HS3ST3A1: variants seen among roughly 807,000 people sequenced by gnomAD.
HS3ST3A1 encodes the protein heparan sulfate-glucosamine 3-sulfotransferase 3A1, also known as heparan sulfate glucosamine 3-O-sulfotransferase 3A1.
A neutral mutation model predicts 25.7 loss-of-function variants in HS3ST3A1; 19 were observed. That is an observed-to-expected ratio of 0.74 (90% CI 0.52 to 1.08). The LOEUF is 1.08. HS3ST3A1 is among the 50% of genes least tolerant of loss of function. The probability of loss-of-function intolerance (pLI) is 0.00; values close to 1 mark genes in which losing one functional copy is unlikely to be tolerated. For synonymous variants in HS3ST3A1, 226 were observed against 278.6 expected (o/e 0.81, Z 1.88); for missense variants, 459 against 594.3 (o/e 0.77, Z 2.37).
At chr17:13,570,239 G>A (rs546718726) in intron 1 of HS3ST3A1, among the ~76,000 whole-genome samples, 1 of 152,280 alleles carries the variant, frequency 6.6e-6, no homozygotes, top group South Asian at 2.1e-4. Context: ...AGACAAAGAA[G>A]GACCTTCTCC....
intron 1 of HS3ST3A1, chr17:13,543,730 A>G (rs1352235048): frequency 6.5e-6 from 1 of 154,442 alleles, no homozygotes; most frequent in South Asian, 2.0e-4. Context: ...ATGATAAAAA[A>G]GGAATTTTTA....
intron 1 of HS3ST3A1, among the ~76,000 whole-genome samples, chr17:13,532,882 T>C (rs1457019343): frequency 1.6e-5 from 2 of 122,218 alleles, no homozygotes; most frequent in African/African-American, 7.2e-5. Flanking sequence ...CATATACGTG[T>C]GTGTGTGTGT....
chr17:13,518,581 T>C (rs1906127055), intron 1 of HS3ST3A1, among the ~76,000 whole-genome samples: 1 of 152,208 alleles, frequency 6.6e-6, no homozygotes, highest in Admixed American at 6.5e-5. Context: ...GAATCTGTTT[T>C]CCCATTTCTT....
chr17:13,588,896 G>A (rs772723442), intron 1 of HS3ST3A1, among the ~76,000 whole-genome samples: 3 of 152,152 alleles, frequency 2.0e-5, no homozygotes, highest in Non-Finnish European at 4.4e-5. Flanking sequence ...GTGTTAGCCA[G>A]GATGGTCTTG....
chr17:13,586,743 G>A (rs1346519754), intron 1 of HS3ST3A1, among the ~76,000 whole-genome samples: 5 of 149,856 alleles, frequency 3.3e-5, no homozygotes, highest in East Asian at 2.0e-4. Flanking sequence ...GGTGGCGGGC[G>A]CCTGTAGTCC....
intron 1 of HS3ST3A1, among the ~76,000 whole-genome samples, chr17:13,553,785 T>G (rs1907302004): frequency 1.3e-5 from 2 of 152,164 alleles, no homozygotes; most frequent in African/African-American, 4.8e-5. Flanking sequence ...AAGCTCATCA[T>G]CCCTAATCCC....
At chr17:13,534,498 G>GT (rs1414685021) in intron 1 of HS3ST3A1, among the ~76,000 whole-genome samples, 2 of 125,580 alleles carry the variant, frequency 1.6e-5, no homozygotes, top group African/African-American at 6.1e-5. Context: ...GAGCCCAGGA[G>GT]TTTGAGACCA....
chr17:13,530,005 T>TACACACACACACACAC (rs3220827), intron 1 of HS3ST3A1, among the ~76,000 whole-genome samples: 28 of 149,060 alleles, frequency 1.9e-4, no homozygotes, highest in African/African-American at 5.7e-4. Context: ...TTTATGTAAC[T>TACACACACACACACAC]ACACACACAC....
chr17:13,539,529 A>G (rs76423718), intron 1 of HS3ST3A1, among the ~76,000 whole-genome samples: 6,576 of 152,292 alleles, frequency 0.043, 172 homozygotes, highest in African/African-American at 0.074. Context: ...TTCTTTAAAC[A>G]TCACTGCGTG....
At position 13,557,663 on chromosome 17, in the gene HS3ST3A1, A is replaced by C. The variant is rs540750270; in HGVS notation, c.599+42868T>G. Among the ~76,000 whole-genome samples the C allele has an allele frequency of 9.2e-5, 14 of 152,314 alleles. No homozygotes were observed. In the East Asian group the frequency reaches 1.2e-3, roughly 13 times the overall value. ...GTGAACTCATTCAAAGAAACTGAAA[A>C]TACAAAAGTAGAAAGGTTAAGTATC... On this transcript the variant is annotated intron_variant, in intron 1 of 1. Coordinates refer to ENST00000284110, the MANE Select transcript of HS3ST3A1 (RefSeq NM_006042.3).
At chr17:13,511,393 A>G (rs1038132511) in intron 1 of HS3ST3A1, among the ~76,000 whole-genome samples, 2 of 152,094 alleles carry the variant, frequency 1.3e-5, no homozygotes, top group African/African-American at 4.8e-5. Flanking sequence ...TGGGTGAGGG[A>G]AGTAGTTAGC....
At chr17:13,498,558 G>A (rs1331042543) in intron 1 of HS3ST3A1, among the ~76,000 whole-genome samples, 2 of 152,188 alleles carry the variant, frequency 1.3e-5, no homozygotes, top group East Asian at 1.9e-4. Flanking sequence ...GACCTATCCC[G>A]TTTGACTGTA....
intron 1 of HS3ST3A1, among the ~76,000 whole-genome samples, chr17:13,577,183 C>G (rs1907966874): frequency 6.6e-6 from 1 of 152,178 alleles, no homozygotes; most frequent in Non-Finnish European, 1.5e-5. Flanking sequence ...CCACCAGGTC[C>G]CTTCCATGAC....
chr17:13,496,929 C>T (rs1310638632), intron 1 of HS3ST3A1, 111 bp from the exon 2 acceptor site: 2 of 1,442,200 alleles, frequency 1.4e-6, no homozygotes, highest in African/African-American at 1.4e-5. Context: ...CGCAACCCCC[C>T]ACTTGCTAGA....
intron 1 of HS3ST3A1, among the ~76,000 whole-genome samples, chr17:13,575,679 T>C (rs1474568857): frequency 6.6e-6 from 1 of 152,188 alleles, no homozygotes; most frequent in Non-Finnish European, 1.5e-5. Flanking sequence ...GGAAATTGTA[T>C]TGGAAAATAA....
intron 1 of HS3ST3A1, among the ~76,000 whole-genome samples, chr17:13,541,211 CA>C (rs953947507): frequency 6.6e-6 from 1 of 152,054 alleles, no homozygotes; most frequent in Non-Finnish European, 1.5e-5. Flanking sequence ...GAAGCCAAGC[CA>C]GGGGGAAAGA....
intron 1 of HS3ST3A1, among the ~76,000 whole-genome samples, chr17:13,545,905 A>G (rs1907075281): frequency 6.6e-6 from 1 of 152,036 alleles, no homozygotes; most frequent in Non-Finnish European, 1.5e-5. Context: ...TGAACCCAGG[A>G]AGCAGAGGCT....
intron 1 of HS3ST3A1, chr17:13,543,700 A>G (rs1907001460): frequency 6.4e-6 from 1 of 155,592 alleles, no homozygotes; most frequent in African/African-American, 2.4e-5. Flanking sequence ...AATGTTTTAA[A>G]AAATAAGGAA....
Position 13,495,993 on chromosome 17 carries a change from A to T in HS3ST3A1, c.*204T>A, listed in dbSNP as rs1905252742. On this transcript the variant is annotated 3_prime_UTR_variant, in exon 2 of 2. Transcript: ENST00000284110. The stretch of plus-strand genomic sequence containing the variant: ...ACTGAAAATTGAAAGTGTTTAGACG[A>T]GTGAAATTTTCCTTTTCTGTTGATC... 1.8e-6 allele frequency: 1 copy of T among 565,206 alleles called. No homozygotes were observed. Among genetic ancestry groups the T allele is most frequent in the African/African-American group, 1.9e-5 (1 of 52,162 alleles). 35.0% of individuals were successfully genotyped at this position (565,206 alleles called of 1,614,324 possible). A position where few individuals can be genotyped will look rare whatever the true frequency, so the allele number is the denominator to read the frequency against.
Sources: gnomAD v4.1 joint callset for allele counts (sites outside exome capture counted in the v4.1 genomes callset) on GRCh38, gnomAD v4.1.1 for gene constraint, MANE v1.5 for transcripts, NCBI Gene and HGNC (gene_info 2026-07-23, HGNC 2026-07-21) for gene names.